The following TENM3 variants were observed in gnomAD, a reference collection of about 807,000 sequenced individuals.
TENM3 encodes teneurin transmembrane protein 3.
In TENM3, 63 loss-of-function variants were observed where a neutral mutation model predicts 255.1. That is an observed-to-expected ratio of 0.25 (90% CI 0.20 to 0.30). The LOEUF (loss-of-function observed/expected upper bound fraction) is 0.30, where lower values mean the gene tolerates loss of function less well. Ranked by LOEUF, TENM3 falls within the 10% of genes least tolerant of loss-of-function variation. The probability of loss-of-function intolerance (pLI) is 1.00; values close to 1 mark genes in which losing one functional copy is unlikely to be tolerated. For synonymous variants in TENM3, 1,306 were observed against 1,322.3 expected (o/e 0.99, Z 0.27); for missense variants, 2,929 against 3,461.1 (o/e 0.85, Z 3.86).
the TENM3 span, among the ~76,000 whole-genome samples, chr4:181,933,200 G>T: frequency 6.6e-6 from 1 of 152,046 alleles, no homozygotes; most frequent in Non-Finnish European, 1.5e-5. Context: ...CTGCATGAAC[G>T]TTTCTGAAGC....
At chr4:182,209,560 G>A (rs1219033202) in intron 1 of TENM3, among the ~76,000 whole-genome samples, 1 of 152,138 alleles carries the variant, frequency 6.6e-6, no homozygotes, top group Admixed American at 6.5e-5. Context: ...CCTCTTTGCC[G>A]ATATATCTTA....
At chr4:181,923,952 T>A in the TENM3 span, among the ~76,000 whole-genome samples, 1 of 152,122 alleles carries the variant, frequency 6.6e-6, no homozygotes, top group Non-Finnish European at 1.5e-5. Context: ...ATTATATGAG[T>A]ATACTAATTT....
In TENM3 at chr4:182,525,623, G is replaced by A. The variant is rs1386834779; in HGVS notation, c.512-75301G>A. Among the ~76,000 whole-genome samples the A allele has an allele frequency of 2.6e-5, 4 of 152,216 alleles. No individual in the cohort carries two copies. In the South Asian group the frequency reaches 6.2e-4, roughly 24 times the overall value. On this transcript the variant is annotated intron_variant, in intron 3 of 27. Transcript: ENST00000511685. ...TCCAGAACTGTGTGTATGTACACCCGTCCCTCTGACATCTGCCACGTTTGG... is the reference window on the plus strand; with the variant it reads ...TCCAGAACTGTGTGTATGTACACCCATCCCTCTGACATCTGCCACGTTTGG...
At chr4:182,757,129 G>A (rs990101711) in intron 22 of TENM3, among the ~76,000 whole-genome samples, 7 of 151,826 alleles carry the variant, frequency 4.6e-5, no homozygotes, top group African/African-American at 7.3e-5. Context: ...TGGCTAACAC[G>A]GTGAAACCCT....
the TENM3 span, among the ~76,000 whole-genome samples, chr4:182,017,892 A>G: frequency 3.3e-5 from 5 of 152,198 alleles, no homozygotes; most frequent in Non-Finnish European, 7.4e-5. Flanking sequence ...ATTTATTGGC[A>G]ATGTCTTTAG....
the TENM3 span, among the ~76,000 whole-genome samples, chr4:181,776,257 TTC>T: frequency 1.3e-5 from 2 of 152,160 alleles, no homozygotes; most frequent in African/African-American, 4.8e-5. Context: ...CAAGATTTCC[TTC>T]TGTTTTATGG....
intron 12 of TENM3, among the ~76,000 whole-genome samples, chr4:182,695,684 A>G (rs764712770): frequency 5.3e-5 from 8 of 152,206 alleles, no homozygotes; most frequent in Admixed American, 2.0e-4. Context: ...GCTCTGCACC[A>G]GAAGCAAGTA....
chr4:182,313,564 T>A lies in TENM3; in HGVS notation c.-75-10382T>A, dbSNP rs527966780. ...TATGCATGGAAAAAGTCTGAAAAGG[T>A]GAACACCAAAAAGCTAGGAGGGCAA... is the stretch of plus-strand genomic sequence containing the variant. On this transcript the variant is annotated intron_variant, in intron 1 of 27. Transcript: ENST00000511685. Among the ~76,000 whole-genome samples, 21 of 152,172 alleles carry A rather than the reference T, an allele frequency of 1.4e-4. 1 individual carries two copies. The South Asian group carries it at 4.4e-3, about 32-fold the overall frequency.
At chr4:181,511,208 T>C in the TENM3 span, among the ~76,000 whole-genome samples, 23,599 of 152,160 alleles carry the variant, frequency 0.16, 1,883 homozygotes, top group East Asian at 0.26. Flanking sequence ...ACCAGCTCAG[T>C]TTGTGTCGTA....
the TENM3 span, among the ~76,000 whole-genome samples, chr4:181,810,808 T>C: frequency 6.6e-6 from 1 of 152,116 alleles, no homozygotes; most frequent in Non-Finnish European, 1.5e-5. Context: ...GAACGGTATA[T>C]GCAAAGCCAG....
In TENM3 at chr4:182,751,784, A is replaced by G. The variant is rs375432945; in HGVS notation, c.3630-16A>G. On this transcript the variant is annotated splice_polypyrimidine_tract_variant and intron_variant, in intron 19 of 27. Coordinates refer to ENST00000511685, the MANE Select transcript of TENM3 (RefSeq NM_001080477.4). ...GAGTAACTCCCTTTGATGTTTATCT[A>G]TGATCCTTTTCACAGCAGCAACCCA... The G allele has an allele frequency of 2.2e-5, 35 of 1,592,752 alleles. No homozygotes were observed. The highest frequency in any genetic ancestry group is 1.8e-4 in the East Asian group (8 of 44,788).
At chr4:181,607,856 A>C in the TENM3 span, among the ~76,000 whole-genome samples, 3 of 152,192 alleles carry the variant, frequency 2.0e-5, no homozygotes, top group Non-Finnish European at 2.9e-5. Context: ...AAATGACTTC[A>C]TTTATTAATA....
intron 2 of TENM3, among the ~76,000 whole-genome samples, chr4:182,329,958 A>G (rs954701239): frequency 6.6e-6 from 1 of 152,174 alleles, no homozygotes; most frequent in Admixed American, 6.5e-5. Context: ...TGCCACAGAG[A>G]AAAGGCAGGT....
the TENM3 span, among the ~76,000 whole-genome samples, chr4:182,121,905 A>C: frequency 0.095 from 14,494 of 152,322 alleles, 948 homozygotes; most frequent in South Asian, 0.16. Context: ...TTTTACCTAC[A>C]GTAGAGCTTC....
chr4:181,593,872 T>C, the TENM3 span, among the ~76,000 whole-genome samples: 1 of 152,194 alleles, frequency 6.6e-6, no homozygotes, highest in East Asian at 1.9e-4. Flanking sequence ...AGTTTTCTTA[T>C]TGGTGTTAGA....
chr4:181,881,222 G>T, the TENM3 span, among the ~76,000 whole-genome samples: 3 of 152,042 alleles, frequency 2.0e-5, no homozygotes, highest in South Asian at 2.1e-4. Context: ...GATACCCTTC[G>T]GGAATGGAGA....
chr4:182,270,103 G>A (rs1173330864), intron 1 of TENM3, among the ~76,000 whole-genome samples: 2 of 152,166 alleles, frequency 1.3e-5, no homozygotes, highest in African/African-American at 4.8e-5. Context: ...GTTAAGATAA[G>A]GGGGGTTGTG....
the TENM3 span, among the ~76,000 whole-genome samples, chr4:181,949,749 A>C: frequency 6.6e-6 from 1 of 151,930 alleles, no homozygotes; most frequent in Non-Finnish European, 1.5e-5. Context: ...GCCCTCACCC[A>C]CACCCTCTCT....
intron 12 of TENM3, among the ~76,000 whole-genome samples, chr4:182,702,693 A>G (rs924986240): frequency 1.3e-5 from 2 of 151,974 alleles, no homozygotes; most frequent in African/African-American, 4.8e-5. Flanking sequence ...CTAGTAAGCA[A>G]CAAAATCAGA....
Sources: gnomAD v4.1 joint callset for allele counts (sites outside exome capture counted in the v4.1 genomes callset) on GRCh38, gnomAD v4.1.1 for gene constraint, MANE v1.5 for transcripts, NCBI Gene and HGNC (gene_info 2026-07-23, HGNC 2026-07-21) for gene names.